Variants in CFAP54 observed in about 807,000 individuals in gnomAD.
CFAP54 encodes the protein cilia- and flagella-associated protein 54.
In CFAP54, 290 loss-of-function variants were observed where a neutral mutation model predicts 370.4. That is an observed-to-expected ratio of 0.78 (90% CI 0.71 to 0.86). CFAP54 has a LOEUF of 0.86. CFAP54 is among the 40% of genes least tolerant of loss of function. CFAP54 has a pLI of 0.00. For synonymous variants in CFAP54, 1,206 were observed against 1,236.5 expected (o/e 0.98, Z 0.52); for missense variants, 3,399 against 3,528.7 (o/e 0.96, Z 0.93).
At chr12:96,627,261 T>C (rs773233176) in intron 30 of CFAP54, among the ~76,000 whole-genome samples, 1 of 152,220 alleles carries the variant, frequency 6.6e-6, no homozygotes, top group Non-Finnish European at 1.5e-5. Context: ...GCTCCAGTTT[T>C]GGTCATTTAC....
chr12:96,718,232 G>T (rs991110362), intron 48 of CFAP54, among the ~76,000 whole-genome samples: 6 of 152,138 alleles, frequency 3.9e-5, no homozygotes, highest in East Asian at 1.9e-4. Context: ...GGTGGTGTGC[G>T]CCCGTAGTCC....
At chr12:96,776,167 T>C (rs374397165) in intron 60 of CFAP54, among the ~76,000 whole-genome samples, 2 of 152,198 alleles carry the variant, frequency 1.3e-5, no homozygotes, top group Non-Finnish European at 2.9e-5. Flanking sequence ...AAAGAAAACT[T>C]CTCACAAATG....
chr12:96,782,113 T>G (rs1460411215), intron 60 of CFAP54, among the ~76,000 whole-genome samples: 1 of 151,924 alleles, frequency 6.6e-6, no homozygotes, highest in African/African-American at 2.4e-5. Flanking sequence ...CTCAAATAGG[T>G]GCAGAAAAAT....
At chr12:96,595,164 A>T (rs908819423) in intron 25 of CFAP54, among the ~76,000 whole-genome samples, 1 of 152,188 alleles carries the variant, frequency 6.6e-6, no homozygotes, top group Non-Finnish European at 1.5e-5. Flanking sequence ...CTAAAGGCCA[A>T]CTACTAATTC....
At chr12:96,515,616 A>G (rs1955221606) in intron 5 of CFAP54, among the ~76,000 whole-genome samples, 1 of 152,180 alleles carries the variant, frequency 6.6e-6, no homozygotes, top group Non-Finnish European at 1.5e-5. Flanking sequence ...TAGTGACTTC[A>G]GAGTTCAAGT....
At chr12:96,605,300 G>T (rs1956288952) in intron 26 of CFAP54, among the ~76,000 whole-genome samples, 1 of 152,144 alleles carries the variant, frequency 6.6e-6, no homozygotes, top group African/African-American at 2.4e-5. Flanking sequence ...AGACAGTGGG[G>T]CTTAGAAGGT....
chr12:96,873,902 A>G (rs2136475640), intron 67 of CFAP54, among the ~76,000 whole-genome samples: 1 of 152,322 alleles, frequency 6.6e-6, no homozygotes, highest in South Asian at 2.1e-4. Context: ...CCTGGGGGCT[A>G]TGATTTGCTG....
intron 14 of CFAP54, among the ~76,000 whole-genome samples, chr12:96,544,406 G>A (rs1565891424): frequency 7.4e-6 from 1 of 135,538 alleles, no homozygotes; most frequent in African/African-American, 2.8e-5. Context: ...TCAGAAAACA[G>A]AATATCTCTC....
At chr12:96,765,734 A>G (rs1958396666) in intron 60 of CFAP54, among the ~76,000 whole-genome samples, 1 of 152,278 alleles carries the variant, frequency 6.6e-6, no homozygotes, top group Non-Finnish European at 1.5e-5. Context: ...CATAGCAGAC[A>G]TTCAATATCA....
chr12:96,554,645 T>C, intron 16 of CFAP54, 31 bp from the exon 17 acceptor site: 1 of 1,502,938 alleles, frequency 6.7e-7, no homozygotes, highest in African/African-American at 1.4e-5. Context: ...ATAACTATAT[T>C]TCTTTTTATT....
At chr12:96,792,540 A>G (rs1429532465) in intron 63 of CFAP54, 41 bp downstream of exon 63, 4 of 1,442,346 alleles carry the variant, frequency 2.8e-6, no homozygotes, top group Admixed American at 2.2e-5. Flanking sequence ...TCATTTATAT[A>G]TAAAGCTTAA....
chr12:96,872,506 A>C (rs1375463215), intron 67 of CFAP54, among the ~76,000 whole-genome samples: 1 of 152,228 alleles, frequency 6.6e-6, no homozygotes, highest in Non-Finnish European at 1.5e-5. Flanking sequence ...TGGTGTCGCT[A>C]TATTGTCATT....
At chr12:96,601,258 T>C (rs1252985365) in intron 26 of CFAP54, among the ~76,000 whole-genome samples, 1 of 152,244 alleles carries the variant, frequency 6.6e-6, no homozygotes, top group Non-Finnish European at 1.5e-5. Context: ...ATAGATTACA[T>C]TTACTGATTT....
At chr12:96,694,489 GCACACACACACACGCGCA>G (rs900441616) in intron 45 of CFAP54, among the ~76,000 whole-genome samples, 1 of 150,618 alleles carries the variant, frequency 6.6e-6, no homozygotes, top group African/African-American at 2.4e-5. Flanking sequence ...TATATCTTAC[GCACACACACACACGCGCA>G]CACACACACA....
At chr12:96,562,159 T>G (rs1955822333) in intron 17 of CFAP54, among the ~76,000 whole-genome samples, 1 of 152,158 alleles carries the variant, frequency 6.6e-6, no homozygotes, top group Non-Finnish European at 1.5e-5. Context: ...TGTATTTTCC[T>G]TCTCCCATAT....
At chr12:96,821,606 G>A (rs1406700250) in intron 65 of CFAP54, among the ~76,000 whole-genome samples, 1 of 151,250 alleles carries the variant, frequency 6.6e-6, no homozygotes, top group Non-Finnish European at 1.5e-5. Flanking sequence ...TCGTTTAGGT[G>A]AATTGGCAAG....
chr12:96,500,731 T>C, intron 1 of CFAP54, 103 bp from the exon 2 acceptor site: 1 of 667,338 alleles, frequency 1.5e-6, no homozygotes, highest in Non-Finnish European at 2.4e-6. Context: ...TAAGGCACAT[T>C]GGAAAGGCTT....
rs886933819 is a variant in CFAP54 at position 96,521,713 on chromosome 12, A to G, written c.943-144A>G. On this transcript the variant is annotated intron_variant, in intron 6 of 67. Coordinates refer to ENST00000524981, the MANE Select transcript of CFAP54 (RefSeq NM_001306084.2). ...AGTTTAGTGGTTCTTAAATAAAATG[A>G]TAGACTGGATAAAAGGAGTCAGCAT... is the stretch of plus-strand genomic sequence containing the variant. 1.8e-5 allele frequency: 10 copies of G among 552,052 alleles called. No homozygotes were observed. The African/African-American group carries it at 1.9e-4, about 10-fold the overall frequency. 34.2% of individuals were successfully genotyped at this position (552,052 alleles called of 1,614,324 possible). A position where few individuals can be genotyped will look rare whatever the true frequency, so the allele number is the denominator to read the frequency against.
Position 96,573,267 on chromosome 12 carries a change from G to A in CFAP54, c.2620-3318G>A, listed in dbSNP as rs559534987. Among the ~76,000 whole-genome samples the A allele has an allele frequency of 4.6e-5, 7 of 152,322 alleles. No homozygotes were observed. The South Asian group carries it at 1.0e-3, about 23-fold the overall frequency. Reference sequence around the variant, plus strand: ...TATCTTGGTCTCTACAGCCTGTGATGCGAATGAAGATACATTAATGTTTAA... The same window carrying A: ...TATCTTGGTCTCTACAGCCTGTGATACGAATGAAGATACATTAATGTTTAA... On this transcript the variant is annotated intron_variant, in intron 19 of 67. Coordinates refer to ENST00000524981, the MANE Select transcript of CFAP54 (RefSeq NM_001306084.2).
Sources: gnomAD v4.1 joint callset for allele counts (sites outside exome capture counted in the v4.1 genomes callset) on GRCh38, gnomAD v4.1.1 for gene constraint, MANE v1.5 for transcripts, NCBI Gene and HGNC (gene_info 2026-07-23, HGNC 2026-07-21) for gene names.